The following TRHDE variants were observed in gnomAD, a reference collection of about 807,000 sequenced individuals.
The protein encoded by TRHDE is thyrotropin-releasing hormone-degrading ectoenzyme.
A neutral mutation model predicts 125.7 loss-of-function variants in TRHDE; 72 were observed. The ratio of observed to expected loss-of-function variants is 0.57; its 90% CI spans 0.47 to 0.70. The LOEUF is 0.70. TRHDE is among the 30% of genes least tolerant of loss of function. The pLI is 0.00. For missense variants in TRHDE, 1,110 were observed against 1,327.1 expected, an observed-to-expected ratio of 0.84 and a Z score of 2.54; for synonymous variants, 509 against 509.1, an observed-to-expected ratio of 1.00 and a Z score of 0.00.
intron 2 of TRHDE, among the ~76,000 whole-genome samples, chr12:72,293,265 T>A (rs1417194971): frequency 6.6e-6 from 1 of 152,168 alleles, no homozygotes; most frequent in African/African-American, 2.4e-5. Flanking sequence ...GTCAGATTCA[T>A]AGTTTGTGAA....
chr12:72,120,157 T>C (rs1161522284), intron 2 of TRHDE, among the ~76,000 whole-genome samples: 1 of 151,934 alleles, frequency 6.6e-6, no homozygotes, highest in Non-Finnish European at 1.5e-5. Context: ...TTCAAGTGAT[T>C]CTCCTGCCTC....
intron 7 of TRHDE, among the ~76,000 whole-genome samples, chr12:72,546,527 C>T (rs1421649208): frequency 1.3e-5 from 2 of 151,596 alleles, no homozygotes; most frequent in African/African-American, 4.8e-5. Context: ...GATTAACTAT[C>T]ATGATCCTAT....
intron 2 of TRHDE, among the ~76,000 whole-genome samples, chr12:72,363,746 A>G (rs1479528439): frequency 6.6e-6 from 1 of 152,088 alleles, no homozygotes; most frequent in Non-Finnish European, 1.5e-5. Flanking sequence ...CTCCTATTCA[A>G]CATAGTGTTG....
intron 15 of TRHDE, among the ~76,000 whole-genome samples, chr12:72,649,385 G>A (rs571179949): frequency 9.9e-5 from 15 of 152,002 alleles, no homozygotes; most frequent in African/African-American, 2.2e-4. Flanking sequence ...TTTATATACC[G>A]TACACAAAAA....
chr12:72,155,817 C>A (rs1350611665), intron 2 of TRHDE, among the ~76,000 whole-genome samples: 1 of 152,148 alleles, frequency 6.6e-6, no homozygotes, highest in Non-Finnish European at 1.5e-5. Flanking sequence ...GGGGTGCCTC[C>A]CAGTTAGGCT....
At chr12:72,473,262 A>T in intron 5 of TRHDE, 82 bp downstream of exon 5, 6 of 990,602 alleles carry the variant, frequency 6.1e-6, no homozygotes, top group Non-Finnish European at 9.2e-6. Flanking sequence ...CTTAGAGATG[A>T]CTAAAAATAC....
chr12:72,201,505 A>G (rs1405691946), intron 2 of TRHDE, among the ~76,000 whole-genome samples: 3 of 152,198 alleles, frequency 2.0e-5, no homozygotes, highest in Non-Finnish European at 4.4e-5. Context: ...GGACCCCTCT[A>G]GGCTCCAGAC....
chr12:72,424,057 A>G (rs2135830667), intron 3 of TRHDE, among the ~76,000 whole-genome samples: 1 of 152,316 alleles, frequency 6.6e-6, no homozygotes, highest in East Asian at 1.9e-4. Flanking sequence ...AATCTGTTCA[A>G]ATTATTTGAA....
intron 15 of TRHDE, among the ~76,000 whole-genome samples, chr12:72,640,654 G>T (rs1250324092): frequency 6.8e-6 from 1 of 147,634 alleles, no homozygotes; most frequent in Non-Finnish European, 1.5e-5. Context: ...AAGTAATAAG[G>T]TTCACGCATC....
At chr12:72,201,299 A>G (rs540876181) in intron 2 of TRHDE, among the ~76,000 whole-genome samples, 2 of 152,358 alleles carry the variant, frequency 1.3e-5, no homozygotes, top group Non-Finnish European at 2.9e-5. Context: ...CCAATAGCTT[A>G]TACTTATTAT....
intron 12 of TRHDE, among the ~76,000 whole-genome samples, chr12:72,579,110 A>G (rs1427898262): frequency 6.6e-6 from 1 of 151,250 alleles, no homozygotes; most frequent in African/African-American, 2.4e-5. Context: ...GTCCATGAGG[A>G]GTCTTTTGTT....
chr12:72,339,342 G>T (rs1477081573), intron 2 of TRHDE, among the ~76,000 whole-genome samples: 3 of 152,036 alleles, frequency 2.0e-5, no homozygotes, highest in Non-Finnish European at 4.4e-5. Flanking sequence ...TTCATCCACT[G>T]TTATCTCAAC....
chr12:72,643,378 T>A lies in TRHDE; in HGVS notation c.2676-8944T>A, dbSNP rs186654396. Among the ~76,000 whole-genome samples, 139 of 152,334 alleles carry A rather than the reference T, an allele frequency of 9.1e-4. 1 individual carries two copies. Among genetic ancestry groups the A allele is most frequent in the Admixed American group, 1.6e-3 (25 of 15,302 alleles). The stretch of plus-strand genomic sequence containing the variant: ...TTCATCAAATTTGATATCTCTGCTA[T>A]GTGACGAACAGCCATTGAGAAGACT... On this transcript the variant is annotated intron_variant, in intron 15 of 18. Transcript: ENST00000261180.
At chr12:72,270,734 G>A (rs571505130), upstream of TRHDE, among the ~76,000 whole-genome samples, 1 of 152,164 alleles carries the variant, frequency 6.6e-6, no homozygotes, top group South Asian at 2.1e-4. Flanking sequence ...GTCACCTTTG[G>A]GGTGGCTGTT....
At chr12:72,182,049 G>A (rs1464449226) in intron 2 of TRHDE, among the ~76,000 whole-genome samples, 1 of 152,172 alleles carries the variant, frequency 6.6e-6, no homozygotes, top group Non-Finnish European at 1.5e-5. Context: ...TCCTGTCACT[G>A]AATGCATTAT....
At chr12:72,271,389 A>G (rs572778541), upstream of TRHDE, among the ~76,000 whole-genome samples, 3 of 152,254 alleles carry the variant, frequency 2.0e-5, no homozygotes, top group Admixed American at 6.5e-5. Context: ...CTCTATGTTA[A>G]TAGCCAAAGG....
intron 3 of TRHDE, among the ~76,000 whole-genome samples, chr12:72,459,386 T>C (rs1254549729): frequency 6.6e-6 from 1 of 152,166 alleles, no homozygotes; most frequent in Non-Finnish European, 1.5e-5. Context: ...TTATCCACAA[T>C]AGCTAACAGT....
intron 2 of TRHDE, among the ~76,000 whole-genome samples, chr12:72,301,075 A>G (rs766065290): frequency 1.2e-4 from 19 of 152,212 alleles, no homozygotes; most frequent in Middle Eastern, 3.4e-3. Context: ...ACTTAGTACT[A>G]TATGATCCTG....
intron 2 of TRHDE, chr12:72,256,342 A>G (rs1592502332): frequency 6.6e-6 from 1 of 151,912 alleles, no homozygotes; most frequent in Non-Finnish European, 1.5e-5. Flanking sequence ...TCCTGTATCA[A>G]TTCCTTTGCT....
Sources: allele counts gnomAD v4.1 joint callset (sites outside exome capture counted in the v4.1 genomes callset), GRCh38; gene constraint gnomAD v4.1.1; transcripts MANE v1.5; gene names NCBI Gene and HGNC (gene_info 2026-07-23, HGNC 2026-07-21).